PAK4: variants seen among roughly 807,000 people sequenced by gnomAD.
The protein encoded by PAK4 is p21 (RAC1) activated kinase 4.
A neutral mutation model predicts 53.5 loss-of-function variants in PAK4; 49 were observed. That is an observed-to-expected ratio of 0.92 (90% CI 0.73 to 1.16). The LOEUF (loss-of-function observed/expected upper bound fraction) is 1.16, where lower values mean the gene tolerates loss of function less well. PAK4 is among the 50% of genes most tolerant of loss of function. The pLI, the probability that PAK4 is intolerant of heterozygous loss-of-function variation, is 0.00. For synonymous variants in PAK4, 376 were observed against 375.6 expected, an observed-to-expected ratio of 1.00 and a Z score of -0.01; for missense variants, 824 against 850.7, an observed-to-expected ratio of 0.97 and a Z score of 0.39.
At chr19:39,132,337 G>C (rs2073728720) in intron 1 of PAK4, among the ~76,000 whole-genome samples, 1 of 152,144 alleles carries the variant, frequency 6.6e-6, no homozygotes, top group Non-Finnish European at 1.5e-5. Flanking sequence ...CGCCTGCCAG[G>C]CCCTTCCCAG....
chr19:39,177,600 G>T, intron 7 of PAK4, 75 bp from the exon 9 acceptor site: 1 of 1,479,328 alleles, frequency 6.8e-7, no homozygotes, highest in South Asian at 1.3e-5. Flanking sequence ...GCGCTGGAGC[G>T]GTCCCTGCCT....
In PAK4 at chr19:39,128,283, T is replaced by C. The variant is rs2073628963; in HGVS notation, c.-23+2364T>C. On this transcript the variant is annotated intron_variant, in intron 1 of 8. Transcript: ENST00000358301. ...GCATTAGTCTTGCTGCTGCTGCTGC[T>C]GCCACCCCACCACTGCCTGGGGAGG... 2.0e-5 allele frequency among the ~76,000 whole-genome samples: 3 copies of C among 152,306 alleles called. No individual in the cohort carries two copies. In the South Asian group the frequency reaches 6.2e-4, roughly 32 times the overall value.
intron 1 of PAK4, among the ~76,000 whole-genome samples, chr19:39,165,521 A>AATAC (rs2074359490): frequency 7.9e-6 from 1 of 126,618 alleles, no homozygotes; most frequent in African/African-American, 2.6e-5. Context: ...TCTCAAAATA[A>AATAC]ATAAATAAAT....
Position 39,173,774 on chromosome 19 carries a change from G to A in PAK4, c.862G>A (p.Gly288Ser). Residue 288 changes from glycine (G) to serine (S), a missense_variant, in exon 4 of 9, where the codon GGC becomes AGC. Physicochemically the swap from Gly to Ser is moderately conservative, Grantham distance 56 (BLOSUM62 0). This residue lies in a region of PAK4 where 478 missense variants were observed against 435.8 expected (regional missense o/e 1.10). Coordinates refer to ENST00000358301, the Ensembl canonical transcript of PAK4. This position sits in a 1 kb window ranked among gnomAD's most constrained non-coding sequence, Gnocchi z 6.9. ...CGCCCCTGCTGTTCCTGGGCCCCCT[G>A]GCCCCCGCTCACCACAGCGGGAGCC... 1 of 1,598,382 alleles carries A rather than the reference G, an allele frequency of 6.3e-7. No individual in the cohort carries two copies.
Position 39,178,736 on chromosome 19 carries a change from C to G in PAK4, c.*157C>G. 1 of 600,438 alleles carries G rather than the reference C, an allele frequency of 1.7e-6. No homozygotes were observed. Among genetic ancestry groups the G allele is most frequent in the South Asian group, 2.5e-5 (1 of 39,232 alleles). The allele number at this position is 600,438 out of a possible 1,614,324, so 37.2% of individuals were successfully genotyped here. ...GGGTAGATGAGACCCTACTACTGAA[C>G]TCCAGTTTTGATCTCGTGACTTTTA... is the stretch of plus-strand genomic sequence containing the variant. On this transcript the variant is annotated 3_prime_UTR_variant, in exon 9 of 9. Transcript: ENST00000358301. The surrounding 1 kb of genome is among the most constrained non-coding windows in gnomAD (Gnocchi z 4.4).
intron 1 of PAK4, among the ~76,000 whole-genome samples, chr19:39,169,266 G>T (rs964089252): frequency 6.6e-6 from 1 of 152,122 alleles, no homozygotes; most frequent in African/African-American, 2.4e-5. Context: ...TGAGAACAGA[G>T]AGGTGATGGG....
Position 39,161,667 on chromosome 19 carries a change from C to T in PAK4, c.-22-7865C>T, listed in dbSNP as rs976979218. 2.0e-5 allele frequency among the ~76,000 whole-genome samples: 3 copies of T among 151,990 alleles called. No individual in the cohort carries two copies. Among genetic ancestry groups the T allele is most frequent in the Non-Finnish European group, 2.9e-5 (2 of 67,976 alleles). On this transcript the variant is annotated intron_variant, in intron 1 of 8. Coordinates refer to ENST00000358301, the Ensembl canonical transcript of PAK4. The surrounding 1 kb of genome is among the most constrained non-coding windows in gnomAD (Gnocchi z 4.5). ...GAGACCCCTGCAACTCCGTCTCACT[C>T]GGGAAAGGACCAGGCCCTCCCGGTG...
chr19:39,164,409 C>G (rs997940950), intron 1 of PAK4, among the ~76,000 whole-genome samples: 2 of 151,960 alleles, frequency 1.3e-5, no homozygotes, highest in Admixed American at 1.3e-4. Context: ...CTTGTGAGCA[C>G]AGGCGGGCCT....
chr19:39,161,610 T>A lies in PAK4; in HGVS notation c.-22-7922T>A, dbSNP rs1021485342. Reference sequence around the variant, plus strand: ...TCCCAGCCAGTGGGAGCCTGTGAACTCCTGAGTCAGGCGGTGGCCCTCCTG... The same window carrying A: ...TCCCAGCCAGTGGGAGCCTGTGAACACCTGAGTCAGGCGGTGGCCCTCCTG... On this transcript the variant is annotated intron_variant, in intron 1 of 8. Coordinates refer to ENST00000358301, the Ensembl canonical transcript of PAK4. The surrounding 1 kb of genome is among the most constrained non-coding windows in gnomAD (Gnocchi z 4.5). Among the ~76,000 whole-genome samples the A allele has an allele frequency of 6.6e-6, 1 of 151,844 alleles. No homozygotes were observed. The highest frequency in any genetic ancestry group is 2.4e-5 in the African/African-American group (1 of 41,318).
At chr19:39,168,301 A>G (rs1285984358) in intron 1 of PAK4, 1 of 147,798 alleles carries the variant, frequency 6.8e-6, no homozygotes, top group Non-Finnish European at 1.5e-5. Flanking sequence ...GCATCAGACC[A>G]GGTGTGTGCA....
At chr19:39,139,821 G>A (rs1387508873) in intron 1 of PAK4, among the ~76,000 whole-genome samples, 1 of 152,130 alleles carries the variant, frequency 6.6e-6, no homozygotes, top group East Asian at 1.9e-4. Context: ...CTGGGCCTTG[G>A]GGTTTTTTAA....
At chr19:39,147,841 G>GTTTTTTTTT (rs35845376) in intron 1 of PAK4, among the ~76,000 whole-genome samples, 17 of 13,234 alleles carry the variant, frequency 1.3e-3, no homozygotes, top group African/African-American at 4.4e-3. Context: ...TTGTTTTCGG[G>GTTTTTTTTT]TTTTTTTTTT....
intron 1 of PAK4, among the ~76,000 whole-genome samples, chr19:39,132,827 A>T (rs2073739562): frequency 6.6e-6 from 1 of 152,216 alleles, no homozygotes; most frequent in South Asian, 2.1e-4. Flanking sequence ...GACGGGTGTC[A>T]CCTGACATTC....
At chr19:39,142,084 C>A (rs901280314) in intron 1 of PAK4, among the ~76,000 whole-genome samples, 2 of 152,174 alleles carry the variant, frequency 1.3e-5, no homozygotes, top group Non-Finnish European at 2.9e-5. Flanking sequence ...TCAAGCAATC[C>A]TCCCGCCTCA....
intron 1 of PAK4, among the ~76,000 whole-genome samples, chr19:39,139,808 G>A (rs898927737): frequency 6.6e-6 from 1 of 152,204 alleles, no homozygotes; most frequent in African/African-American, 2.4e-5. Flanking sequence ...ACAGCTGTGG[G>A]GTCTGGGCCT....
At chr19:39,150,630 C>T (rs1279926889) in intron 1 of PAK4, among the ~76,000 whole-genome samples, 1 of 152,158 alleles carries the variant, frequency 6.6e-6, no homozygotes, top group African/African-American at 2.4e-5. Context: ...TGGCTCCCAC[C>T]TGTAATCCCA....
chr19:39,127,885 A>T (rs1054964044), intron 1 of PAK4, among the ~76,000 whole-genome samples: 1 of 152,178 alleles, frequency 6.6e-6, no homozygotes, highest in African/African-American at 2.4e-5. Flanking sequence ...CAGTGTGTGC[A>T]GAGGCCCTGG....
At chr19:39,127,723 C>T (rs764767230) in intron 1 of PAK4, among the ~76,000 whole-genome samples, 4 of 152,210 alleles carry the variant, frequency 2.6e-5, no homozygotes, top group Non-Finnish European at 5.9e-5. Flanking sequence ...CACAAGACTG[C>T]GTCTCTGCAA....
chr19:39,151,502 A>G (rs1424235967), intron 1 of PAK4, among the ~76,000 whole-genome samples: 2 of 152,236 alleles, frequency 1.3e-5, no homozygotes, highest in African/African-American at 4.8e-5. Flanking sequence ...ACACCTGTGA[A>G]ATGACAGCTG....
Sources: gnomAD v4.1 joint callset for allele counts (sites outside exome capture counted in the v4.1 genomes callset) on GRCh38, gnomAD v4.1.1 for gene constraint, gnomAD v4.1.1 regional missense constraint, Gnocchi (gnomAD v3.1) non-coding constraint, MANE v1.5 for transcripts, NCBI Gene and HGNC (gene_info 2026-07-23, HGNC 2026-07-21) for gene names.